The following ADAMTSL1 variants were observed in gnomAD, a reference collection of about 807,000 sequenced individuals.
The protein encoded by ADAMTSL1 is ADAMTS like 1, also known as ADAMTS-like protein 1.
A neutral mutation model predicts 201.8 loss-of-function variants in ADAMTSL1; 126 were observed. The observed-to-expected ratio is 0.62, with a 90% CI of 0.54 to 0.72. The LOEUF is 0.72. Ranked by LOEUF, ADAMTSL1 falls within the 30% of genes least tolerant of loss-of-function variation. The pLI, the probability that ADAMTSL1 is intolerant of heterozygous loss-of-function variation, is 0.00. For missense variants in ADAMTSL1, 2,679 were observed against 2,277.8 expected (o/e 1.18, Z -3.59); for synonymous variants, 1,121 against 903.4 (o/e 1.24, Z -4.32).
At chr9:18,376,643 A>G (rs1177626117) in intron 2 of ADAMTSL1, among the ~76,000 whole-genome samples, 1 of 52,040 alleles carries the variant, frequency 1.9e-5, no homozygotes, top group Non-Finnish European at 5.0e-5. Flanking sequence ...CATCTCTACT[A>G]AAAAATACAA....
intron 1 of ADAMTSL1, among the ~76,000 whole-genome samples, chr9:17,988,715 G>A (rs1356818694): frequency 6.6e-6 from 1 of 152,030 alleles, no homozygotes; most frequent in East Asian, 1.9e-4. Flanking sequence ...GCATGAATGT[G>A]TTACTGCTTT....
intron 3 of ADAMTSL1, among the ~76,000 whole-genome samples, chr9:18,558,338 C>G (rs1235349354): frequency 6.6e-5 from 10 of 152,136 alleles, no homozygotes; most frequent in Non-Finnish European, 1.5e-5. Context: ...AGGACATGAA[C>G]TCATCCTTTT....
intron 7 of ADAMTSL1, 90 bp from the exon 8 acceptor site, chr9:18,657,549 A>G: frequency 1.1e-6 from 1 of 904,542 alleles, no homozygotes; most frequent in South Asian, 1.5e-5. Context: ...TAAAACCATC[A>G]GCACTACCAT....
chr9:18,397,114 G>A (rs978991342), intron 2 of ADAMTSL1, among the ~76,000 whole-genome samples: 2 of 152,050 alleles, frequency 1.3e-5, no homozygotes, highest in Non-Finnish European at 2.9e-5. Context: ...CTAAGTTTAG[G>A]TTTGTTTAGA....
chr9:18,632,808 A>C (rs898678761), intron 5 of ADAMTSL1, among the ~76,000 whole-genome samples: 1 of 152,156 alleles, frequency 6.6e-6, no homozygotes, highest in Non-Finnish European at 1.5e-5. Flanking sequence ...TGTGCTGCCA[A>C]CTGCTAGAGT....
chr9:18,180,575 C>A (rs1015081362), intron 2 of ADAMTSL1, among the ~76,000 whole-genome samples: 8 of 149,722 alleles, frequency 5.3e-5, no homozygotes, highest in Non-Finnish European at 8.9e-5. Context: ...ATCCAACTTA[C>A]CAGGGATGTG....
intron 1 of ADAMTSL1, among the ~76,000 whole-genome samples, chr9:18,484,638 C>A: frequency 6.6e-6 from 1 of 152,156 alleles, no homozygotes; most frequent in East Asian, 1.9e-4. Context: ...GGCCAGTCAG[C>A]TGCATATAGA....
At chr9:18,705,908 A>G (rs1832204055) in intron 13 of ADAMTSL1, among the ~76,000 whole-genome samples, 1 of 152,240 alleles carries the variant, frequency 6.6e-6, no homozygotes, top group Non-Finnish European at 1.5e-5. Context: ...ATGGAGTCAC[A>G]GGGCAAACCC....
intron 1 of ADAMTSL1, among the ~76,000 whole-genome samples, chr9:18,142,684 T>C (rs1382849164): frequency 6.6e-6 from 1 of 152,288 alleles, no homozygotes; most frequent in East Asian, 1.9e-4. Flanking sequence ...CATTTATCTA[T>C]CACAGTATGC....
chr9:18,204,582 A>T (rs763931710), intron 2 of ADAMTSL1, among the ~76,000 whole-genome samples: 2 of 152,186 alleles, frequency 1.3e-5, no homozygotes, highest in South Asian at 4.1e-4. Context: ...TTTCATGCCC[A>T]GCATGTTTAT....
chr9:18,698,976 G>A (rs540718715), intron 13 of ADAMTSL1, among the ~76,000 whole-genome samples: 1 of 152,286 alleles, frequency 6.6e-6, no homozygotes, highest in Non-Finnish European at 1.5e-5. Context: ...AGAACTTCAA[G>A]ATGACTTCAA....
At chr9:18,195,848 A>G (rs1829152609) in intron 2 of ADAMTSL1, among the ~76,000 whole-genome samples, 1 of 152,092 alleles carries the variant, frequency 6.6e-6, no homozygotes, top group African/African-American at 2.4e-5. Context: ...ATTTGGTAAG[A>G]TGTTTAGCAG....
intron 21 of ADAMTSL1, among the ~76,000 whole-genome samples, chr9:18,821,784 C>T (rs563598336): frequency 6.6e-6 from 1 of 152,304 alleles, no homozygotes; most frequent in African/African-American, 2.4e-5. Context: ...TGTAAAGGTG[C>T]ACCTTTGAGT....
rs111962517 is a variant in ADAMTSL1, at chr9:17,952,725, C to T, written c.87+45803C>T. Among the ~76,000 whole-genome samples, 644 of 152,252 alleles carry T rather than the reference C, an allele frequency of 4.2e-3. 3 individuals are homozygous for T. The highest frequency in any genetic ancestry group is 0.015 in the African/African-American group (613 of 41,536). On this transcript the variant is annotated intron_variant, in intron 1 of 29. Coordinates refer to the ADAMTSL1 transcript ENST00000680146. ...TACTTTTAATAGAGGCGGGGTTTCACCACGTTGGCCAGGCTGGTCTCGAAC... is the reference window on the plus strand; with the variant it reads ...TACTTTTAATAGAGGCGGGGTTTCATCACGTTGGCCAGGCTGGTCTCGAAC...
At chr9:18,076,205 A>G (rs1306600363) in intron 1 of ADAMTSL1, among the ~76,000 whole-genome samples, 1 of 152,196 alleles carries the variant, frequency 6.6e-6, no homozygotes, top group Non-Finnish European at 1.5e-5. Context: ...CTAAGCCCTA[A>G]TAAAACTATT....
chr9:18,142,071 C>G (rs971523358), intron 1 of ADAMTSL1, among the ~76,000 whole-genome samples: 6 of 152,156 alleles, frequency 3.9e-5, no homozygotes, highest in African/African-American at 9.7e-5. Context: ...AGGAGCTTGC[C>G]TTGGATGTTA....
At chr9:18,906,592 G>A (rs964882216) in intron 27 of ADAMTSL1, 100 bp from the exon 28 acceptor site, 12 of 988,292 alleles carry the variant, frequency 1.2e-5, no homozygotes, top group Middle Eastern at 3.1e-4. Context: ...AGTTCTTGAG[G>A]AACCACCTAA....
rs549692917 is a variant in ADAMTSL1, at chr9:18,307,800, A to G, written c.207+143819A>G. Among the ~76,000 whole-genome samples the G allele has an allele frequency of 3.2e-4, 48 of 152,270 alleles. 1 individual carries two copies. The South Asian group carries it at 8.8e-3, about 28-fold the overall frequency. ...ACACAGATCAATGAGACAGAAAATT[A>G]ACAAGGATATTTAGGACTTCAACTC... On this transcript the variant is annotated intron_variant, in intron 2 of 29. Coordinates refer to the ADAMTSL1 transcript ENST00000680146.
chr9:18,867,630 G>A (rs943591708), intron 23 of ADAMTSL1, among the ~76,000 whole-genome samples: 13 of 152,106 alleles, frequency 8.5e-5, no homozygotes, highest in South Asian at 4.2e-4. Flanking sequence ...ATTGAAATGC[G>A]TACATCTTTT....
Sources: gnomAD v4.1 joint callset for allele counts (sites outside exome capture counted in the v4.1 genomes callset) on GRCh38, gnomAD v4.1.1 for gene constraint, MANE v1.5 for transcripts, NCBI Gene and HGNC (gene_info 2026-07-23, HGNC 2026-07-21) for gene names.